ADCY2: variants seen among roughly 807,000 people sequenced by gnomAD.
ADCY2 encodes the protein adenylate cyclase 2.
ADCY2 carries 31 observed loss-of-function variants against 125.2 expected under a neutral mutation model. The observed-to-expected ratio is 0.25, with a 90% CI of 0.19 to 0.33. The LOEUF (loss-of-function observed/expected upper bound fraction) is 0.33. Among genes scored for constraint, ADCY2 ranks in the 10% least tolerant of loss-of-function variants. The probability of loss-of-function intolerance (pLI) is 1.00; values close to 1 mark genes in which losing one functional copy is unlikely to be tolerated. For missense variants in ADCY2, 904 were observed against 1,418.2 expected, an observed-to-expected ratio of 0.64 and a Z score of 5.82; for synonymous variants, 512 against 548.4, an observed-to-expected ratio of 0.93 and a Z score of 0.93.
chr5:7,509,838 A>G (rs1743990761), intron 2 of ADCY2, among the ~76,000 whole-genome samples: 2 of 152,230 alleles, frequency 1.3e-5, no homozygotes, highest in Admixed American at 1.3e-4. Flanking sequence ...ATTTTTAATT[A>G]TGATCATAAA....
chr5:7,753,155 C>T (rs1742878977), intron 15 of ADCY2, among the ~76,000 whole-genome samples: 1 of 152,158 alleles, frequency 6.6e-6, no homozygotes, highest in South Asian at 2.1e-4. Flanking sequence ...TCTCAGCCTC[C>T]CAAAGTGCTG....
At chr5:7,502,762 A>G (rs902129812) in intron 2 of ADCY2, among the ~76,000 whole-genome samples, 1 of 152,056 alleles carries the variant, frequency 6.6e-6, no homozygotes, top group Non-Finnish European at 1.5e-5. Context: ...TGACCCTGAT[A>G]CTCATCTAGC....
chr5:7,726,392 T>G (rs995282506), intron 13 of ADCY2, among the ~76,000 whole-genome samples: 1 of 152,156 alleles, frequency 6.6e-6, no homozygotes, highest in Admixed American at 6.5e-5. Context: ...ATTGAATGAT[T>G]AGTACAGGGA....
intron 22 of ADCY2, among the ~76,000 whole-genome samples, chr5:7,816,272 C>G (rs77339568): frequency 0.027 from 4,067 of 152,306 alleles, 161 homozygotes; most frequent in African/African-American, 0.092. Flanking sequence ...AGTGCAGAGA[C>G]AGTAGCTGCC....
chr5:7,506,994 A>T (rs1743847192), intron 2 of ADCY2, among the ~76,000 whole-genome samples: 1 of 148,650 alleles, frequency 6.7e-6, no homozygotes, highest in South Asian at 2.2e-4. Context: ...TCACCGTGTT[A>T]GCCAGGATGG....
chr5:7,413,599 G>GGT (rs1561011469), intron 1 of ADCY2, among the ~76,000 whole-genome samples: 2 of 147,924 alleles, frequency 1.4e-5, no homozygotes. Flanking sequence ...CACCCGGCCG[G>GGT]TTTTTTTTTT....
At chr5:7,613,239 A>T (rs1217380440) in intron 3 of ADCY2, among the ~76,000 whole-genome samples, 1 of 152,204 alleles carries the variant, frequency 6.6e-6, no homozygotes, top group African/African-American at 2.4e-5. Flanking sequence ...AAGCCCTAGG[A>T]ATCCCAGGAA....
chr5:7,757,753 G>A (rs1160468040), intron 16 of ADCY2, among the ~76,000 whole-genome samples, 167 bp downstream of exon 16: 1 of 152,172 alleles, frequency 6.6e-6, no homozygotes, highest in East Asian at 1.9e-4. Context: ...AGCAGGCAGG[G>A]CGTTCTTCCC....
chr5:7,731,387 C>T (rs1377107858), intron 14 of ADCY2, among the ~76,000 whole-genome samples: 2 of 151,016 alleles, frequency 1.3e-5, no homozygotes, highest in African/African-American at 4.9e-5. Context: ...TCCTGAGTAG[C>T]TCGGATTGCA....
At chr5:7,635,553 A>G (rs1738470000) in intron 4 of ADCY2, among the ~76,000 whole-genome samples, 1 of 152,172 alleles carries the variant, frequency 6.6e-6, no homozygotes, top group South Asian at 2.1e-4. Flanking sequence ...GGTACAGTAG[A>G]AATCCAGATT....
rs370476148 is a variant in ADCY2, at chr5:7,789,746, C to T, written c.2574C>T (p.Asn858=). The T allele has an allele frequency of 1.2e-4, 176 of 1,496,326 alleles. No homozygotes were observed. Among genetic ancestry groups the T allele is most frequent in the East Asian group, 5.2e-4 (18 of 34,870 alleles). The allele number at this position is 1,496,326 out of a possible 1,614,324, so 92.7% of individuals were successfully genotyped here. A position where few individuals can be genotyped will look rare whatever the true frequency, so the allele number is the denominator to read the frequency against. ...MENLNRVLLE[N]VLPAHVAEHF... ...ACCTGAACCGCGTGCTGCTGGAGAACGTGCTTCCCGCGCACGTGGCTGAGC... is the reference window on the plus strand; with the variant it reads ...ACCTGAACCGCGTGCTGCTGGAGAATGTGCTTCCCGCGCACGTGGCTGAGC... Residue 858 remains asparagine, a synonymous_variant, in exon 20 of 25, where the codon AAC becomes AAT. Transcript: ENST00000338316.
At chr5:7,637,261 G>A (rs1279235768) in intron 4 of ADCY2, among the ~76,000 whole-genome samples, 1 of 152,016 alleles carries the variant, frequency 6.6e-6, no homozygotes, top group Admixed American at 6.6e-5. Flanking sequence ...CCTGAGGTCA[G>A]GAGTTCAAGA....
chr5:7,696,021 G>A (rs1315193617), intron 6 of ADCY2, among the ~76,000 whole-genome samples, 158 bp downstream of exon 6: 2 of 152,084 alleles, frequency 1.3e-5, no homozygotes, highest in African/African-American at 4.8e-5. Context: ...TCTTTCATAA[G>A]CCTCAAACCT....
chr5:7,773,259 G>GT (rs890373840), intron 18 of ADCY2, among the ~76,000 whole-genome samples, 158 bp downstream of exon 18: 1 of 152,154 alleles, frequency 6.6e-6, no homozygotes, highest in Non-Finnish European at 1.5e-5. Context: ...GACAATATGT[G>GT]TTTTTGTTAT....
intron 2 of ADCY2, among the ~76,000 whole-genome samples, chr5:7,466,304 A>C (rs6555468): frequency 0.022 from 3,424 of 152,236 alleles, 124 homozygotes; most frequent in African/African-American, 0.079. Flanking sequence ...ATTTTTATTC[A>C]TATAGTCCCA....
Position 7,441,964 on chromosome 5 carries a change from A to C in ADCY2, c.408+27194A>C, listed in dbSNP as rs538774091. On this transcript the variant is annotated intron_variant, in intron 2 of 24. Transcript: ENST00000338316. ...GTTAGACTTGGCAACCGCCACAATT[A>C]CATAAGTGAATCCCTTAAACTCTCT... Among the ~76,000 whole-genome samples, 8 of 152,304 alleles carry C rather than the reference A, an allele frequency of 5.3e-5. No individual in the cohort carries two copies. In the East Asian group the frequency reaches 9.7e-4, roughly 18 times the overall value.
intron 2 of ADCY2, among the ~76,000 whole-genome samples, chr5:7,466,468 C>G (rs1742121140): frequency 6.6e-6 from 1 of 152,176 alleles, no homozygotes; most frequent in Non-Finnish European, 1.5e-5. Flanking sequence ...AACCGAGGCA[C>G]AAGGTGTTAA....
At chr5:7,791,979 C>G (rs867397396) in intron 20 of ADCY2, among the ~76,000 whole-genome samples, 7 of 152,020 alleles carry the variant, frequency 4.6e-5, no homozygotes, top group African/African-American at 1.7e-4. Context: ...GAGAACATTT[C>G]AGGCTCCAAG....
chr5:7,695,518 T>A lies in ADCY2; in HGVS notation c.870-234T>A, dbSNP rs184372796. 7.4e-3 allele frequency among the ~76,000 whole-genome samples: 1,121 copies of A among 152,298 alleles called. 5 individuals are homozygous for A. The highest frequency in any genetic ancestry group is 0.011 in the Non-Finnish European group (773 of 68,012). On this transcript the variant is annotated intron_variant, in intron 5 of 24. Transcript: ENST00000338316. The stretch of plus-strand genomic sequence containing the variant: ...TGACTCAGTACAAACAGAATTTTTT[T>A]AAATTATTTTGCTGCTTCACTCCCC...
Sources: allele counts gnomAD v4.1 joint callset (sites outside exome capture counted in the v4.1 genomes callset), GRCh38; gene constraint gnomAD v4.1.1; transcripts MANE v1.5; gene names NCBI Gene and HGNC (gene_info 2026-07-23, HGNC 2026-07-21).